Variants in MTG1 observed in about 807,000 individuals in gnomAD.
MTG1 encodes the protein mitochondrial ribosome-associated GTPase 1.
In MTG1, 30 loss-of-function variants were observed where a neutral mutation model predicts 39.5. The ratio of observed to expected loss-of-function variants is 0.76; its 90% CI spans 0.57 to 1.03. The LOEUF (loss-of-function observed/expected upper bound fraction) is 1.03, where lower values mean the gene tolerates loss of function less well. Among genes scored for constraint, MTG1 ranks in the 50% least tolerant of loss-of-function variants. The probability of loss-of-function intolerance (pLI) is 0.00; values close to 1 mark genes in which losing one functional copy is unlikely to be tolerated. For synonymous variants in MTG1, 217 were observed against 179.0 expected (o/e 1.21, Z -1.69); for missense variants, 513 against 447.4 (o/e 1.15, Z -1.32).
intron 9 of MTG1, among the ~76,000 whole-genome samples, chr10:133,419,229 G>T (rs573375151): frequency 6.6e-6 from 1 of 152,198 alleles, no homozygotes. Flanking sequence ...GGTGGGAGCC[G>T]CCCCCCATGC....
At chr10:133,401,459 G>A (rs184872863) in intron 6 of MTG1, 70 bp from the exon 7 acceptor site, 29 of 1,347,118 alleles carry the variant, frequency 2.2e-5, no homozygotes, top group Middle Eastern at 1.9e-4. Context: ...TGTTACATAC[G>A]TCTCCCTACT....
At chr10:133,405,954 A>G (rs1228878805) in intron 9 of MTG1, among the ~76,000 whole-genome samples, 4 of 152,230 alleles carry the variant, frequency 2.6e-5, no homozygotes, top group African/African-American at 4.8e-5. Context: ...TCCCACCAAC[A>G]GTGTACGACA....
chr10:133,403,344 GCGTTCCCGT>G (rs1849915429), intron 9 of MTG1, among the ~76,000 whole-genome samples: 1 of 128,752 alleles, frequency 7.8e-6, no homozygotes, highest in African/African-American at 2.9e-5. Flanking sequence ...AAGGAAATGA[GCGTTCCCGT>G]CACCCCCAGT....
intron 9 of MTG1, among the ~76,000 whole-genome samples, chr10:133,403,565 C>T (rs1015885982): frequency 1.1e-4 from 17 of 152,222 alleles, no homozygotes; most frequent in South Asian, 2.1e-4. Flanking sequence ...TCACTCGGCA[C>T]GATTGTTGTG....
chr10:133,402,213 G>C lies in MTG1; in HGVS notation c.638G>C (p.Ser213Thr). The change falls in exon 8 of 11, where the codon AGT (serine) becomes ACT (threonine). Residue 213 changes from serine to threonine, a missense_variant. Ser to Thr is a moderately conservative substitution (Grantham distance 58). Coordinates refer to ENST00000317502, the MANE Select transcript of MTG1 (RefSeq NM_138384.4). This position sits in a 1 kb window ranked among gnomAD's most constrained non-coding sequence, Gnocchi z 4.7. The part of the protein sequence containing the change: ...TPGVLAPRIE[S>T]VETGLKLALC... ...GGCGTGCTGGCTCCTCGGATTGAAA[G>C]TGTGGAGACAGGCCTGAAGCTGGCC... is the stretch of plus-strand genomic sequence containing the variant. The C allele has an allele frequency of 6.2e-7, 1 of 1,614,018 alleles. No homozygotes were observed. Among genetic ancestry groups the C allele is most frequent in the Non-Finnish European group, 8.5e-7 (1 of 1,179,978 alleles).
At chr10:133,401,767 A>T in intron 7 of MTG1, 177 bp downstream of exon 7, 1 of 726,354 alleles carries the variant, frequency 1.4e-6, no homozygotes, top group Non-Finnish European at 2.5e-6. Flanking sequence ...CAGTCGTCAT[A>T]GTCTTTGCGC....
At chr10:133,397,343 C>T (rs1849797826) in intron 3 of MTG1, among the ~76,000 whole-genome samples, 1 of 151,040 alleles carries the variant, frequency 6.6e-6, no homozygotes, top group African/African-American at 2.5e-5. Flanking sequence ...CACTCCTTAC[C>T]CTGCCCCTTT....
At position 133,395,749 on chromosome 10, in the gene MTG1, A is replaced by T; in HGVS notation, c.149A>T (p.Asp50Val). Residue 50 changes from aspartate (D) to valine (V), a missense_variant, in exon 2 of 11, where the codon GAC becomes GTC. Coordinates refer to ENST00000317502, the MANE Select transcript of MTG1 (RefSeq NM_138384.4). ...ATGCAGAGCAGCCTGAAGCTGGTGG[A>T]CTGTATCATCGAGGTCCACGATGCC... is the stretch of plus-strand genomic sequence containing the variant. ...KKMQSSLKLV[D>V]CIIEVHDARI... 6.2e-7 allele frequency: 1 copy of T among 1,614,090 alleles called. No homozygotes were observed. The highest frequency in any genetic ancestry group is 1.3e-5 in the African/African-American group (1 of 75,016).
rs754178059 is a variant in MTG1 at position 133,394,215 on chromosome 10, G to A, written c.-6G>A. ...CTGCGGGAGCGTTTCCGGGGACGGT[G>A]CCGCCATGAGATTGACCCCGCGCGC... On this transcript the variant is annotated 5_prime_UTR_variant, in exon 1 of 11. Transcript: ENST00000317502. The A allele has an allele frequency of 5.5e-5, 83 of 1,514,580 alleles. No individual in the cohort carries two copies. The Admixed American group carries it at 1.2e-3, about 22-fold the overall frequency. The allele number at this position is 1,514,580 out of a possible 1,614,324, so 93.8% of individuals were successfully genotyped here. A position where few individuals can be genotyped will look rare whatever the true frequency, so the allele number is the denominator to read the frequency against.
chr10:133,420,305 C>A lies in MTG1; in HGVS notation c.*140C>A. ...GCTGTGCTCTCTGGCGCCCCACAGC[C>A]TGGCCAGCTCCAGGGACCCCAGTTG... On this transcript the variant is annotated 3_prime_UTR_variant, in exon 11 of 11. Transcript: ENST00000317502. 9.4e-7 allele frequency: 1 copy of A among 1,068,260 alleles called. No homozygotes were observed. Among genetic ancestry groups the A allele is most frequent in the Non-Finnish European group, 1.3e-6 (1 of 790,156 alleles). 66.2% of individuals were successfully genotyped at this position (1,068,260 alleles called of 1,614,324 possible).
At chr10:133,400,233 C>T (rs1357602507) in intron 6 of MTG1, among the ~76,000 whole-genome samples, 1 of 152,174 alleles carries the variant, frequency 6.6e-6, no homozygotes, top group Admixed American at 6.5e-5. Flanking sequence ...CCCTTTGATC[C>T]AGAGAATACA....
rs1197397951 is a variant in MTG1 at position 133,402,748 on chromosome 10, A to C, written c.727A>C (p.Thr243Pro). ...EETMADYLLY[T>P]LNKHQRFGYV... ...GACCATGGCTGACTACCTGCTGTACACCCTCAACAAACACCAGCGCTTTGG... is the reference window on the plus strand; with the variant it reads ...GACCATGGCTGACTACCTGCTGTACCCCCTCAACAAACACCAGCGCTTTGG... Residue 243 changes from threonine (T) to proline (P), a missense_variant, in exon 9 of 11, where the codon ACC (threonine) becomes CCC (proline). By Grantham distance (38) the Thr-to-Pro change is conservative. Coordinates refer to ENST00000317502, the MANE Select transcript of MTG1 (RefSeq NM_138384.4). The surrounding 1 kb of genome is among the most constrained non-coding windows in gnomAD (Gnocchi z 4.7). The C allele has an allele frequency of 6.2e-7, 1 of 1,606,726 alleles. No homozygotes were observed. Among genetic ancestry groups the C allele is most frequent in the Admixed American group, 1.7e-5 (1 of 59,106 alleles).
At chr10:133,395,278 C>T (rs1780530967) in intron 1 of MTG1, among the ~76,000 whole-genome samples, 1 of 152,120 alleles carries the variant, frequency 6.6e-6, no homozygotes, top group Non-Finnish European at 1.5e-5. Flanking sequence ...CCCTGTAGTC[C>T]CAGCTACTCG....
rs1208936207 is a variant in MTG1 at position 133,398,409 on chromosome 10, A to G, written c.283-26A>G. On this transcript the variant is annotated intron_variant, in intron 3 of 10. Transcript: ENST00000317502. Reference sequence around the variant, plus strand: ...AGCCAAGACTCCAGTAAAAAAAGTAACATAGAAATGTTTTGTGTCTTTCAG... The same window carrying G: ...AGCCAAGACTCCAGTAAAAAAAGTAGCATAGAAATGTTTTGTGTCTTTCAG... 1.9e-6 allele frequency: 3 copies of G among 1,607,154 alleles called. No individual in the cohort carries two copies. The African/African-American group carries it at 4.0e-5, about 22-fold the overall frequency.
Position 133,396,276 on chromosome 10 carries a change from C to T in MTG1, c.282+9C>T. 6.2e-7 allele frequency: 1 copy of T among 1,609,676 alleles called. No individual in the cohort carries two copies. Among genetic ancestry groups the T allele is most frequent in the Non-Finnish European group, 8.5e-7 (1 of 1,176,128 alleles). On this transcript the variant is annotated intron_variant, in intron 3 of 10. Transcript: ENST00000317502. ...ATCTTACAGAGCAGCAGGTAAAGGCCTTTCTCTCAGACGCCTTCAGCAGTG... is the reference window on the plus strand; with the variant it reads ...ATCTTACAGAGCAGCAGGTAAAGGCTTTTCTCTCAGACGCCTTCAGCAGTG...
intron 1 of MTG1, chr10:133,394,757 T>C (rs1397916091): frequency 3.0e-6 from 3 of 994,380 alleles, no homozygotes; most frequent in Non-Finnish European, 2.4e-6. Flanking sequence ...CAGTTTTAAC[T>C]GGTATCTTGA....
At chr10:133,405,998 C>T (rs753904934) in intron 9 of MTG1, among the ~76,000 whole-genome samples, 15 of 152,180 alleles carry the variant, frequency 9.9e-5, no homozygotes, top group Non-Finnish European at 2.2e-4. Context: ...ACAGCATCTG[C>T]TATTCTCTGT....
chr10:133,397,865 A>T (rs1311887658), intron 3 of MTG1, among the ~76,000 whole-genome samples: 1 of 151,650 alleles, frequency 6.6e-6, no homozygotes, highest in Non-Finnish European at 1.5e-5. Flanking sequence ...GCCTTTGAAA[A>T]TGTGACTTTT....
chr10:133,404,098 G>C (rs1161385116), intron 9 of MTG1, among the ~76,000 whole-genome samples: 1 of 121,554 alleles, frequency 8.2e-6, no homozygotes, highest in Non-Finnish European at 1.8e-5. Flanking sequence ...TTTTAACTGA[G>C]TTGTTTCTTT....
Sources: gnomAD v4.1 joint callset for allele counts (sites outside exome capture counted in the v4.1 genomes callset) on GRCh38, gnomAD v4.1.1 for gene constraint, Gnocchi (gnomAD v3.1) non-coding constraint, MANE v1.5 for transcripts, NCBI Gene and HGNC (gene_info 2026-07-23, HGNC 2026-07-21) for gene names.